The following GRM4 variants were observed in gnomAD, a reference collection of about 807,000 sequenced individuals.
GRM4 encodes metabotropic glutamate receptor 4.
GRM4 carries 28 observed loss-of-function variants against 81.7 expected under a neutral mutation model. That is an observed-to-expected ratio of 0.34 (90% CI 0.25 to 0.47). The LOEUF is 0.47. Ranked by LOEUF, GRM4 falls within the 20% of genes least tolerant of loss-of-function variation. GRM4 has a pLI of 1.00. For synonymous variants in GRM4, 488 were observed against 528.8 expected (o/e 0.92, Z 1.06); for missense variants, 948 against 1,290.0 (o/e 0.73, Z 4.06).
chr6:34,103,805 C>T, intron 2 of GRM4: 1 of 1,441,166 alleles, frequency 6.9e-7, no homozygotes, highest in Non-Finnish European at 9.1e-7. Context: ...TCAGTCTCCT[C>T]ATCTGTCCAC....
rs1357804406 is a variant in GRM4, at chr6:34,136,577, C to T, written c.-363-2718G>A. On this transcript the variant is annotated intron_variant, in intron 1 of 10. Coordinates refer to ENST00000538487, the MANE Select transcript of GRM4 (RefSeq NM_000841.4). This position sits in a 1 kb window ranked among gnomAD's most constrained non-coding sequence, Gnocchi z 4.1. ...GCGCGCGTGCGGACACACACACACA[C>T]ACACACACACACACACACACACACA... 6.6e-6 allele frequency among the ~76,000 whole-genome samples: 1 copy of T among 151,192 alleles called. No individual in the cohort carries two copies. The highest frequency in any genetic ancestry group is 2.4e-5 in the African/African-American group (1 of 41,070).
At chr6:34,099,069 T>C (rs773754396) in intron 2 of GRM4, among the ~76,000 whole-genome samples, 15 of 152,120 alleles carry the variant, frequency 9.9e-5, no homozygotes, top group African/African-American at 1.4e-4. Context: ...ACCAGCCTAG[T>C]TGGGGAGTCA....
intron 6 of GRM4, chr6:34,054,883 A>G (rs538731003): frequency 1.3e-5 from 2 of 152,314 alleles, no homozygotes; most frequent in South Asian, 2.1e-4. Flanking sequence ...GATGCTCTCA[A>G]TAATTACACC....
At chr6:34,079,372 G>A (rs1414110431) in intron 3 of GRM4, among the ~76,000 whole-genome samples, 1 of 152,096 alleles carries the variant, frequency 6.6e-6, no homozygotes, top group East Asian at 1.9e-4. Flanking sequence ...CTCCTGCCTG[G>A]CCTTCCCATC....
At chr6:34,104,606 C>A (rs565757958) in intron 2 of GRM4, among the ~76,000 whole-genome samples, 2 of 152,190 alleles carry the variant, frequency 1.3e-5, no homozygotes, top group African/African-American at 2.4e-5. Context: ...ACTCTCACCC[C>A]CTGCTCCCCA....
At chr6:34,051,975 C>A (rs757700895) in intron 6 of GRM4, among the ~76,000 whole-genome samples, 16 of 152,188 alleles carry the variant, frequency 1.1e-4, no homozygotes, top group Non-Finnish European at 2.1e-4. Flanking sequence ...ACTCTAATAG[C>A]CGTATGCTTG....
chr6:34,102,159 G>A lies in GRM4; in HGVS notation c.520-10060C>T, dbSNP rs574089428. The A allele has an allele frequency of 3.3e-5, 51 of 1,535,264 alleles. No homozygotes were observed. In the African/African-American group the frequency reaches 6.0e-4, roughly 18 times the overall value. On this transcript the variant is annotated intron_variant, in intron 2 of 10. Coordinates refer to ENST00000538487, the MANE Select transcript of GRM4 (RefSeq NM_000841.4). ...GGAAGGACTGGGGCATTTAAGGTGT[G>A]CAGGGGACAGGAGCAATAATAGGTC... is the stretch of plus-strand genomic sequence containing the variant.
At chr6:34,076,163 C>T (rs1767300775) in intron 3 of GRM4, among the ~76,000 whole-genome samples, 1 of 152,234 alleles carries the variant, frequency 6.6e-6, no homozygotes, top group South Asian at 2.1e-4. Flanking sequence ...TTTAGGAGCC[C>T]ACATCCCTTG....
At chr6:34,037,428 C>A (rs948435248) in intron 8 of GRM4, among the ~76,000 whole-genome samples, 1 of 152,196 alleles carries the variant, frequency 6.6e-6, no homozygotes, top group African/African-American at 2.4e-5. Context: ...GTATTCAAAG[C>A]GACTGTTCTA....
At chr6:34,138,716 C>A (rs980206910) in intron 1 of GRM4, among the ~76,000 whole-genome samples, 24 of 152,208 alleles carry the variant, frequency 1.6e-4, no homozygotes, top group African/African-American at 4.6e-4. Flanking sequence ...GACCAGTTAG[C>A]CCTTCAAATC....
Position 34,138,607 on chromosome 6 carries a change from G to C in GRM4, c.-363-4748C>G, listed in dbSNP as rs939287333. Among the ~76,000 whole-genome samples the C allele has an allele frequency of 3.9e-5, 6 of 152,232 alleles. No individual in the cohort carries two copies. In the East Asian group the frequency reaches 1.2e-3, roughly 29 times the overall value. On this transcript the variant is annotated intron_variant, in intron 1 of 10. Coordinates refer to ENST00000538487, the MANE Select transcript of GRM4 (RefSeq NM_000841.4). ...CATCCGGGCCCCCACTGGCTGGGCA[G>C]AGGTGTGGTTTGTAGGACAGGACAG... is the stretch of plus-strand genomic sequence containing the variant.
In GRM4 at chr6:34,069,775, A is replaced by G. The variant is rs2499685; in HGVS notation, c.737-7747T>C. On this transcript the variant is annotated intron_variant, in intron 3 of 10. Coordinates refer to ENST00000538487, the MANE Select transcript of GRM4 (RefSeq NM_000841.4). The surrounding 1 kb of genome is among the most constrained non-coding windows in gnomAD (Gnocchi z 6.4). The stretch of plus-strand genomic sequence containing the variant: ...TTACTGCAACATCCAGGACTGCCCC[A>G]GTCCCCACCAGGATCCACCCATCTG... Among the ~76,000 whole-genome samples the G allele has an allele frequency of 0.74, 112,356 of 151,730 alleles. 42,905 individuals are homozygous for G. Among genetic ancestry groups the G allele is most frequent in the African/African-American group, 0.94 (38,755 of 41,398 alleles).
At chr6:34,025,750 C>G (rs1009642750) in intron 10 of GRM4, among the ~76,000 whole-genome samples, 5 of 152,232 alleles carry the variant, frequency 3.3e-5, no homozygotes, top group African/African-American at 1.2e-4. Context: ...CGACACCTGC[C>G]ATGTGGCCCT....
chr6:34,044,408 A>G (rs927168822), intron 6 of GRM4, among the ~76,000 whole-genome samples: 8 of 151,496 alleles, frequency 5.3e-5, no homozygotes, highest in African/African-American at 1.9e-4. Flanking sequence ...ACACATATAT[A>G]CACAGACACA....
rs555595750 is a variant in GRM4, at chr6:34,035,249, G to T, written c.2442+419C>A. Among the ~76,000 whole-genome samples, 1 of 150,192 alleles carries T rather than the reference G, an allele frequency of 6.7e-6. No individual in the cohort carries two copies. The highest frequency in any genetic ancestry group is 1.5e-5 in the Non-Finnish European group (1 of 67,678). On this transcript the variant is annotated intron_variant, in intron 9 of 10. Coordinates refer to ENST00000538487, the MANE Select transcript of GRM4 (RefSeq NM_000841.4). The surrounding 1 kb of genome is among the most constrained non-coding windows in gnomAD (Gnocchi z 6.6). ...GGGAAGGGGTGAGAGAATAGGAGGA[G>T]GAAAGAATGAAAGGAGATGGGGTAA...
intron 10 of GRM4, among the ~76,000 whole-genome samples, chr6:34,027,605 C>T (rs1420052850): frequency 2.0e-5 from 3 of 152,198 alleles, no homozygotes; most frequent in South Asian, 2.1e-4. Context: ...TGAACAAAGC[C>T]GAGCTGGGTG....
At chr6:34,134,681 C>T (rs1438920117) in intron 1 of GRM4, among the ~76,000 whole-genome samples, 1 of 152,048 alleles carries the variant, frequency 6.6e-6, no homozygotes, top group Non-Finnish European at 1.5e-5. Context: ...CCCTCCCTCC[C>T]TCCCTGACTT....
At chr6:34,079,105 T>C (rs540880614) in intron 3 of GRM4, among the ~76,000 whole-genome samples, 6 of 152,212 alleles carry the variant, frequency 3.9e-5, no homozygotes, top group African/African-American at 1.4e-4. Flanking sequence ...ATACTACAGG[T>C]GGAGAAACCA....
At chr6:34,117,803 C>T (rs2127502181) in intron 2 of GRM4, among the ~76,000 whole-genome samples, 1 of 152,338 alleles carries the variant, frequency 6.6e-6, no homozygotes, top group African/African-American at 2.4e-5. Flanking sequence ...CACCACCCAG[C>T]ACCCAAGGCT....
Sources: gnomAD v4.1 joint callset for allele counts (sites outside exome capture counted in the v4.1 genomes callset) on GRCh38, gnomAD v4.1.1 for gene constraint, Gnocchi (gnomAD v3.1) non-coding constraint, MANE v1.5 for transcripts, NCBI Gene and HGNC (gene_info 2026-07-23, HGNC 2026-07-21) for gene names.